Variants in HMGA1 observed in about 807,000 individuals in gnomAD.
HMGA1 encodes high mobility group AT-hook 1.
HMGA1 carries 1 observed loss-of-function variant against 15.1 expected under a neutral mutation model. The ratio of observed to expected loss-of-function variants is 0.07; its 90% CI spans 0.02 to 0.31. HMGA1 has a LOEUF of 0.31. Among genes scored for constraint, HMGA1 ranks in the 10% least tolerant of loss-of-function variants. The pLI is 1.00. For synonymous variants in HMGA1, 56 were observed against 54.8 expected (o/e 1.02, Z -0.10); for missense variants, 94 against 141.4 (o/e 0.66, Z 1.70).
rs1026801192 is a variant in HMGA1, at chr6:34,236,963, C to G, written c.-159C>G. Reference sequence around the variant, plus strand: ...TGGCGCTGGCGCGGCTCCAAGAAGGCGTGAGTTCGCGGCCGCTCCGGTGGC... The same window carrying G: ...TGGCGCTGGCGCGGCTCCAAGAAGGGGTGAGTTCGCGGCCGCTCCGGTGGC... On this transcript the variant is annotated splice_region_variant and 5_prime_UTR_variant, in exon 1 of 6. Coordinates refer to ENST00000311487, the MANE Select transcript of HMGA1 (RefSeq NM_145899.3). 3.3e-5 allele frequency: 5 copies of G among 152,472 alleles called. No homozygotes were observed. The highest frequency in any genetic ancestry group is 1.2e-4 in the African/African-American group (5 of 41,450). The allele number at this position is 152,472 out of a possible 1,614,324, so 9.4% of individuals were successfully genotyped here.
At chr6:34,241,096 CTA>C (rs573132759) in intron 3 of HMGA1, among the ~76,000 whole-genome samples, 181 bp downstream of exon 3, 6 of 152,158 alleles carry the variant, frequency 3.9e-5, no homozygotes, top group African/African-American at 1.4e-4. Context: ...GGTCAGATCT[CTA>C]TAGAGACCCC....
chr6:34,237,840 C>T (rs1034410119), intron 2 of HMGA1, among the ~76,000 whole-genome samples: 6 of 151,870 alleles, frequency 4.0e-5, no homozygotes, highest in South Asian at 2.1e-4. Context: ...CGGCCCTACG[C>T]CCTCTCGGCC....
chr6:34,244,796 G>T (rs1762602678), intron 5 of HMGA1, 35 bp from the exon 6 acceptor site: 1 of 1,548,086 alleles, frequency 6.5e-7, no homozygotes, highest in Non-Finnish European at 8.8e-7. Flanking sequence ...GGGGGACCGG[G>T]CCAGAGCTCA....
In HMGA1 at chr6:34,245,002, G is replaced by T. The variant is rs1561878172; in HGVS notation, c.*118G>T. 2 of 1,543,328 alleles carry T rather than the reference G, an allele frequency of 1.3e-6. No individual in the cohort carries two copies. The highest frequency in any genetic ancestry group is 8.7e-7 in the Non-Finnish European group (1 of 1,143,574). On this transcript the variant is annotated 3_prime_UTR_variant, in exon 6 of 6. Coordinates refer to ENST00000311487, the MANE Select transcript of HMGA1 (RefSeq NM_145899.3). Reference sequence around the variant, plus strand: ...AGGCCCACCATCACCACCGCCTCTGGCCGCCACCCCCATCTTCCACCTGTG... The same window carrying T: ...AGGCCCACCATCACCACCGCCTCTGTCCGCCACCCCCATCTTCCACCTGTG...
Position 34,245,991 on chromosome 6 carries a change from A to G in HMGA1, c.*1107A>G, listed in dbSNP as rs1459418864. Reference sequence around the variant, plus strand: ...CCCCAAGATACTCTTTGTGGGGAAGAGGGGCTGGGGCATGGCAGGCTGGGT... The same window carrying G: ...CCCCAAGATACTCTTTGTGGGGAAGGGGGGCTGGGGCATGGCAGGCTGGGT... On this transcript the variant is annotated 3_prime_UTR_variant, in exon 6 of 6. Coordinates refer to ENST00000311487, the MANE Select transcript of HMGA1 (RefSeq NM_145899.3). 3.6e-6 allele frequency: 1 copy of G among 274,462 alleles called. No homozygotes were observed. The highest frequency in any genetic ancestry group is 7.0e-6 in the Non-Finnish European group (1 of 143,330). 17.0% of individuals were successfully genotyped at this position (274,462 alleles called of 1,614,324 possible).
At position 34,242,718 on chromosome 6, in the gene HMGA1, C is replaced by G; in HGVS notation, c.142C>G (p.Pro48Ala). The G allele has an allele frequency of 2.5e-6, 4 of 1,579,096 alleles. No homozygotes were observed. The highest frequency in any genetic ancestry group is 1.7e-6 in the Non-Finnish European group (2 of 1,160,544). Residue 48 changes from proline (P) to alanine (A), a missense_variant, in exon 4 of 6, where the codon CCC (proline) becomes GCC (alanine). Coordinates refer to ENST00000311487, the MANE Select transcript of HMGA1 (RefSeq NM_145899.3). ...GTALVGSQKE[P>A]SEVPTPKRPR... ...ACCCCCTCTGTCTTTACAGAAGGAG[C>G]CCAGCGAAGTGCCAACACCTAAGAG...
At chr6:34,243,441 TAGG>T in intron 4 of HMGA1, 24 bp from the exon 5 acceptor site, 1 of 1,594,036 alleles carries the variant, frequency 6.3e-7, no homozygotes. Flanking sequence ...ATTTTGGACT[TAGG>T]AGATATTTTC....
chr6:34,240,922 G>A lies in HMGA1; in HGVS notation c.135+7G>A. The A allele has an allele frequency of 6.8e-6, 11 of 1,613,654 alleles. No homozygotes were observed. The highest frequency in any genetic ancestry group is 1.3e-5 in the African/African-American group (1 of 75,028). ...AGCGCTGGTAGGGAGTCAGGTGGGTGTCCAAACCTTTGCTTCACTTGGTTT... is the reference window on the plus strand; with the variant it reads ...AGCGCTGGTAGGGAGTCAGGTGGGTATCCAAACCTTTGCTTCACTTGGTTT... On this transcript the variant is annotated splice_region_variant and intron_variant, in intron 3 of 5. Transcript: ENST00000311487.
intron 3 of HMGA1, among the ~76,000 whole-genome samples, chr6:34,241,745 A>G (rs1762327446): frequency 6.6e-6 from 1 of 152,338 alleles, no homozygotes; most frequent in South Asian, 2.1e-4. Context: ...CTTCCCTGGG[A>G]GAGAGGTAAG....
chr6:34,238,723 C>T (rs1463471992), intron 2 of HMGA1: 1 of 152,002 alleles, frequency 6.6e-6, no homozygotes, highest in Non-Finnish European at 1.5e-5. Context: ...ACGAACGTTT[C>T]TTGGCCTCAC....
chr6:34,241,294 A>G (rs999136570), intron 3 of HMGA1, among the ~76,000 whole-genome samples: 2 of 152,232 alleles, frequency 1.3e-5, no homozygotes, highest in African/African-American at 4.8e-5. Context: ...AAATGAACAT[A>G]GAAGCCCAGG....
At position 34,245,027 on chromosome 6, in the gene HMGA1, G is replaced by A. The variant is rs763975213; in HGVS notation, c.*143G>A. On this transcript the variant is annotated 3_prime_UTR_variant, in exon 6 of 6. Coordinates refer to ENST00000311487, the MANE Select transcript of HMGA1 (RefSeq NM_145899.3). Reference sequence around the variant, plus strand: ...GCCGCCACCCCCATCTTCCACCTGTGCCCTCACCACCACACTACACAGCAC... The same window carrying A: ...GCCGCCACCCCCATCTTCCACCTGTACCCTCACCACCACACTACACAGCAC... 2.1e-5 allele frequency: 33 copies of A among 1,538,198 alleles called. No individual in the cohort carries two copies. The African/African-American group carries it at 4.5e-4, about 21-fold the overall frequency.
chr6:34,237,688 G>GAGCCC (rs1761904244), intron 2 of HMGA1, among the ~76,000 whole-genome samples: 1 of 147,292 alleles, frequency 6.8e-6, no homozygotes, highest in African/African-American at 2.5e-5. Flanking sequence ...CGCTGGAGCC[G>GAGCCC]GAGCCCGAGC....
Position 34,245,080 on chromosome 6 carries a change from T to C in HMGA1, c.*196T>C, listed in dbSNP as rs1468144180. On this transcript the variant is annotated 3_prime_UTR_variant, in exon 6 of 6. Coordinates refer to ENST00000311487, the MANE Select transcript of HMGA1 (RefSeq NM_145899.3). ...CAGCCGCTGCAGGGCTCCCATGGGC[T>C]GAGTGGGGAGCAGTTTTCCCCTGGC... 4 of 1,526,586 alleles carry C rather than the reference T, an allele frequency of 2.6e-6. No homozygotes were observed. In the East Asian group the frequency reaches 1.0e-4, roughly 38 times the overall value. 94.6% of individuals were successfully genotyped at this position (1,526,586 alleles called of 1,614,324 possible). A position where few individuals can be genotyped will look rare whatever the true frequency, so the allele number is the denominator to read the frequency against.
rs774748397 is a variant in HMGA1, at chr6:34,243,533, A to G, written c.270+15A>G. 1 of 1,603,516 alleles carries G rather than the reference A, an allele frequency of 6.2e-7. No homozygotes were observed. Among genetic ancestry groups the G allele is most frequent in the Non-Finnish European group, 8.5e-7 (1 of 1,174,828 alleles). On this transcript the variant is annotated intron_variant, in intron 5 of 5. Transcript: ENST00000311487. ...CCAAAAAACTGGTAGGTGAAGAAGC[A>G]GACTGCTGCTTGCCTCCTGGGCTCT... is the stretch of plus-strand genomic sequence containing the variant.
At chr6:34,240,641 C>T in intron 2 of HMGA1, 96 bp from the exon 3 acceptor site, 1 of 1,004,054 alleles carries the variant, frequency 1.0e-6, no homozygotes, top group Non-Finnish European at 1.5e-6. Context: ...CATGGGAGCA[C>T]AGTTTTCTGC....
chr6:34,242,818 C>T (rs952100296), intron 4 of HMGA1, 23 bp downstream of exon 4: 1 of 1,540,346 alleles, frequency 6.5e-7, no homozygotes, highest in Non-Finnish European at 8.8e-7. Flanking sequence ...ATGGGACTAC[C>T]CCTGGGTGGA....
chr6:34,241,054 C>T, intron 3 of HMGA1, 139 bp downstream of exon 3: 4 of 963,972 alleles, frequency 4.1e-6, no homozygotes, highest in South Asian at 1.4e-5. Context: ...TGTCCTCCCA[C>T]CTGTGTGTAC....
In HMGA1 at chr6:34,237,337, C is replaced by CGCGGCG. The variant is rs893523421; in HGVS notation, c.-45+31_-45+36dup. 4 of 146,022 alleles carry CGCGGCG rather than the reference C, an allele frequency of 2.7e-5. No individual in the cohort carries two copies. Among genetic ancestry groups the CGCGGCG allele is most frequent in the African/African-American group, 4.9e-5 (2 of 40,732 alleles). The allele number at this position is 146,022 out of a possible 1,614,324, so 9.0% of individuals were successfully genotyped here. A position where few individuals can be genotyped will look rare whatever the true frequency, so the allele number is the denominator to read the frequency against. On this transcript the variant is annotated intron_variant, in intron 2 of 5. Transcript: ENST00000311487. Reference sequence around the variant, plus strand: ...CTCGCGGTGAGTCGTCCCCGGGGCCCGCGGCGGCGGCGGCGGAGGGGGGCG... The same window carrying CGCGGCG: ...CTCGCGGTGAGTCGTCCCCGGGGCCCGCGGCGGCGGCGGCGGCGGCGGAGGGGGGCG...
Sources: allele counts gnomAD v4.1 joint callset (sites outside exome capture counted in the v4.1 genomes callset), GRCh38; gene constraint gnomAD v4.1.1; transcripts MANE v1.5; gene names NCBI Gene and HGNC (gene_info 2026-07-23, HGNC 2026-07-21).